The following KLHDC4 variants were observed in gnomAD, a reference collection of about 807,000 sequenced individuals.
The protein encoded by KLHDC4 is kelch domain containing 4.
Under a neutral mutation model 62.4 loss-of-function variants are expected in KLHDC4, and 90 were observed. The observed-to-expected ratio is 1.44, with a 90% CI of 1.22 to 1.72. KLHDC4 has a LOEUF of 1.72. KLHDC4 is among the 40% of genes most tolerant of loss of function. KLHDC4 has a pLI of 0.00. For missense variants in KLHDC4, 1,025 were observed against 699.7 expected (o/e 1.47, Z -5.25); for synonymous variants, 386 against 284.4 (o/e 1.36, Z -3.59).
intron 7 of KLHDC4, among the ~76,000 whole-genome samples, chr16:87,719,629 T>TC (rs2037843471): frequency 2.3e-5 from 3 of 132,180 alleles, no homozygotes. Flanking sequence ...CCCAGCCAAA[T>TC]CCCCCTCTCC....
At position 87,716,958 on chromosome 16, in the gene KLHDC4, G is replaced by C. The variant is rs184920496; in HGVS notation, c.760-2385C>G. On this transcript the variant is annotated intron_variant, in intron 7 of 11. Transcript: ENST00000270583. ...AAAAAAAGAAAAGAAAAGAAACTAA[G>C]ATACCAAGATTTGCTGTAATCCCAG... 6.1e-4 allele frequency among the ~76,000 whole-genome samples: 92 copies of C among 151,714 alleles called. 1 individual carries two copies. The highest frequency in any genetic ancestry group is 2.0e-3 in the African/African-American group (83 of 41,344).
chr16:87,727,942 T>C (rs989937733), intron 6 of KLHDC4, among the ~76,000 whole-genome samples: 1 of 151,996 alleles, frequency 6.6e-6, no homozygotes, highest in African/African-American at 2.4e-5. Flanking sequence ...TCCCAGCACT[T>C]TGGGAGTCTC....
chr16:87,699,873 G>C (rs180976893), exon 1 of KLHDC4: 21 of 152,388 alleles, frequency 1.4e-4, no homozygotes, highest in Admixed American at 1.4e-3. Flanking sequence ...GCGTCTCACG[G>C]AGGGCCATCA....
In KLHDC4 at chr16:87,707,848, A is replaced by G; in HGVS notation, c.*229T>C. 1 of 417,272 alleles carries G rather than the reference A, an allele frequency of 2.4e-6. No homozygotes were observed. The highest frequency in any genetic ancestry group is 4.9e-6 in the Non-Finnish European group (1 of 204,338). 25.8% of individuals were successfully genotyped at this position (417,272 alleles called of 1,614,324 possible). A position where few individuals can be genotyped will look rare whatever the true frequency, so the allele number is the denominator to read the frequency against. ...GTCCAATTTATTTCACACAACACAC[A>G]GGCTGCTGAGGGAATCCACCTGCAC... On this transcript the variant is annotated 3_prime_UTR_variant, in exon 12 of 12. Transcript: ENST00000270583.
intron 7 of KLHDC4, among the ~76,000 whole-genome samples, chr16:87,722,920 T>G (rs1158466145): frequency 6.6e-6 from 1 of 152,130 alleles, no homozygotes; most frequent in Non-Finnish European, 1.5e-5. Context: ...GGGTGGCGGG[T>G]GGCAGGACCT....
intron 1 of KLHDC4, among the ~76,000 whole-genome samples, chr16:87,762,911 C>G (rs577497436): frequency 2.0e-5 from 3 of 152,250 alleles, no homozygotes; most frequent in South Asian, 4.1e-4. Flanking sequence ...ACCCACCTCT[C>G]CAACCTCACC....
At position 87,726,841 on chromosome 16, in the gene KLHDC4, G is replaced by A. The variant is rs751819016; in HGVS notation, c.683C>T (p.Pro228Leu). The change falls in exon 7 of 12, where the codon CCC becomes CTC. Residue 228 changes from proline (P) to leucine (L), a missense_variant. Physicochemically the swap from Pro to Leu is moderately conservative, Grantham distance 98 (BLOSUM62 -3). Transcript: ENST00000270583. ...WSKLSPSGTG[P>L]TPRSGCQMSV... ...CATCTGGCAGCCTGATCTGGGTGTG[G>A]GCCCCGTCCCTGACGGGGACAGCTT... 8.7e-6 allele frequency: 14 copies of A among 1,612,944 alleles called. No homozygotes were observed. In the African/African-American group the frequency reaches 1.6e-4, roughly 18 times the overall value.
At chr16:87,704,920 A>G (rs1166560438), downstream of KLHDC4, among the ~76,000 whole-genome samples, 1 of 152,158 alleles carries the variant, frequency 6.6e-6, no homozygotes, top group African/African-American at 2.4e-5. Flanking sequence ...CATGGCGCGC[A>G]TGGGCGGCAG....
At chr16:87,716,992 G>C (rs2037136627) in intron 7 of KLHDC4, among the ~76,000 whole-genome samples, 1 of 152,144 alleles carries the variant, frequency 6.6e-6, no homozygotes, top group Non-Finnish European at 1.5e-5. Flanking sequence ...AGCACTTTGA[G>C]AGTCCAAGGT....
Position 87,755,227 on chromosome 16 carries a change from G to T in KLHDC4, c.336C>A (p.Ile112=), listed in dbSNP as rs17772510. The T allele has an allele frequency of 0.059, 94,761 of 1,611,052 alleles. 3,389 individuals are homozygous for T. Among genetic ancestry groups the T allele is most frequent in the Non-Finnish European group, 0.068 (80,277 of 1,177,268 alleles). ...TRKDTWTKVD[I]PSPPPRRCAH... ...CACAGCGCCTCGGAGGTGGACTGGG[G>T]ATGTCAACTTTGGTCCAGGTGTCCT... Residue 112 remains isoleucine, a synonymous_variant, in exon 4 of 12, where the codon ATC becomes ATA. Coordinates refer to ENST00000270583, the MANE Select transcript of KLHDC4 (RefSeq NM_017566.4).
At chr16:87,725,429 T>C (rs2039184355) in intron 7 of KLHDC4, among the ~76,000 whole-genome samples, 1 of 152,122 alleles carries the variant, frequency 6.6e-6, no homozygotes, top group South Asian at 2.1e-4. Flanking sequence ...CCTCCCAAAG[T>C]GCTGGGATTA....
At chr16:87,746,704 T>G (rs892542580) in intron 5 of KLHDC4, among the ~76,000 whole-genome samples, 3 of 151,886 alleles carry the variant, frequency 2.0e-5, no homozygotes, top group Non-Finnish European at 4.4e-5. Context: ...AAGAAGAGAG[T>G]GAAGCACATA....
intron 4 of KLHDC4, among the ~76,000 whole-genome samples, chr16:87,752,662 C>T (rs770123923): frequency 1.3e-5 from 2 of 152,236 alleles, no homozygotes; most frequent in Non-Finnish European, 2.9e-5. Context: ...ATCCTTTCCT[C>T]CATCTTAGTT....
chr16:87,760,937 G>A (rs1441099446), intron 2 of KLHDC4, among the ~76,000 whole-genome samples: 1 of 152,020 alleles, frequency 6.6e-6, no homozygotes, highest in East Asian at 1.9e-4. Context: ...GAAGGCTGAG[G>A]CAGGAGAATC....
At chr16:87,722,171 A>G (rs1297318433) in intron 7 of KLHDC4, among the ~76,000 whole-genome samples, 1 of 152,222 alleles carries the variant, frequency 6.6e-6, no homozygotes, top group Non-Finnish European at 1.5e-5. Context: ...TCGTTAGGAT[A>G]CAAGTCATCA....
intron 1 of KLHDC4, among the ~76,000 whole-genome samples, chr16:87,764,157 A>G (rs574057195): frequency 6.6e-6 from 1 of 152,370 alleles, no homozygotes; most frequent in East Asian, 1.9e-4. Context: ...TATTACAGAC[A>G]CAGCTGAATT....
In KLHDC4 at chr16:87,736,133, C is replaced by T. The variant is rs535221376; in HGVS notation, c.507-5489G>A. ...CTTGTCATTGTGCTGTCCGAGTGCA[C>T]GCACACACTTCTGGAAGGCACAGCC... On this transcript the variant is annotated intron_variant, in intron 5 of 11. Coordinates refer to ENST00000270583, the MANE Select transcript of KLHDC4 (RefSeq NM_017566.4). Among the ~76,000 whole-genome samples the T allele has an allele frequency of 1.4e-4, 21 of 152,278 alleles. No homozygotes were observed. In the South Asian group the frequency reaches 2.3e-3, roughly 17 times the overall value.
chr16:87,746,359 AAGAG>A (rs760603832), intron 5 of KLHDC4, among the ~76,000 whole-genome samples: 58 of 151,816 alleles, frequency 3.8e-4, no homozygotes, highest in African/African-American at 6.5e-4. Flanking sequence ...CAAAGAGAGA[AAGAG>A]AGAGAGAGCG....
intron 6 of KLHDC4, among the ~76,000 whole-genome samples, chr16:87,727,540 C>T (rs1311002172): frequency 1.3e-5 from 2 of 152,156 alleles, no homozygotes; most frequent in Non-Finnish European, 2.9e-5. Context: ...GAAATCACAG[C>T]GCGGCAAGGA....
Sources: gnomAD v4.1 joint callset for allele counts (sites outside exome capture counted in the v4.1 genomes callset) on GRCh38, gnomAD v4.1.1 for gene constraint, MANE v1.5 for transcripts, NCBI Gene and HGNC (gene_info 2026-07-23, HGNC 2026-07-21) for gene names.